COL4A6: variants seen among roughly 807,000 people sequenced by gnomAD.
COL4A6 encodes the protein collagen type IV alpha 6 chain.
A neutral mutation model predicts 126.7 loss-of-function variants in COL4A6; 59 were observed. That is an observed-to-expected ratio of 0.47 (90% CI 0.38 to 0.58). The LOEUF is 0.58. COL4A6 is among the 20% of genes least tolerant of loss of function. COL4A6 has a pLI of 0.00. For missense variants in COL4A6, 1,285 were observed against 1,337.3 expected (o/e 0.96, Z 0.61); for synonymous variants, 547 against 496.6 (o/e 1.10, Z -1.35).
At chrX:108,351,828 A>G (rs776472709) in intron 2 of COL4A6, among the ~76,000 whole-genome samples, 11 of 111,814 alleles carry the variant, frequency 9.8e-5, no homozygotes, top group Non-Finnish European at 1.7e-4. Flanking sequence ...AACATAAATT[A>G]AACACACACT....
intron 3 of COL4A6, among the ~76,000 whole-genome samples, chrX:108,230,223 C>G (rs984588746): frequency 1.8e-5 from 2 of 111,392 alleles, no homozygotes; most frequent in African/African-American, 6.5e-5. Context: ...CCACCATATC[C>G]CCGGAGATGC....
chrX:108,176,849 C>A lies in COL4A6; in HGVS notation c.2678G>T (p.Gly893Val). ...PGVAGLPALS[G>V]PKGEKGSVGF... ...CTGATCACTTCACTTACCCTTGGGT[C>A]CAGAGAGGGCTGGCAACCCAGCGAC... The change falls in exon 28 of 45, where the codon GGA (glycine) becomes GTA (valine). Residue 893 changes from glycine (G) to valine (V), a missense_variant. By Grantham distance (109) the Gly-to-Val change is moderately radical. Transcript: ENST00000334504. 1 of 1,207,180 alleles carries A rather than the reference C, an allele frequency of 8.3e-7. No homozygotes were observed. Among genetic ancestry groups the A allele is most frequent in the Non-Finnish European group, 1.1e-6 (1 of 894,037 alleles).
chrX:108,195,380 T>C (rs2035182223), intron 14 of COL4A6, among the ~76,000 whole-genome samples: 1 of 110,784 alleles, frequency 9.0e-6, no homozygotes, highest in South Asian at 3.9e-4. Context: ...CAAGCGATTC[T>C]CCTGCCTCAG....
chrX:108,204,764 T>C (rs2035495486), intron 11 of COL4A6, among the ~76,000 whole-genome samples: 1 of 111,690 alleles, frequency 9.0e-6, no homozygotes, highest in African/African-American at 3.3e-5. Context: ...GGTCTAATCC[T>C]TGCAAAGAGC....
At chrX:108,384,659 A>G (rs1438066823) in intron 2 of COL4A6, among the ~76,000 whole-genome samples, 3 of 111,707 alleles carry the variant, frequency 2.7e-5, no homozygotes, top group African/African-American at 9.8e-5. Context: ...TGTTTTTGAA[A>G]TATGGAAAGA....
At position 108,170,861 on chromosome X, in the gene COL4A6, C is replaced by T; in HGVS notation, c.3334G>A (p.Glu1112Lys). The T allele has an allele frequency of 2.5e-6, 3 of 1,212,478 alleles. No homozygotes were observed. In the South Asian group the frequency reaches 5.3e-5, roughly 21 times the overall value. ...GNIGFPGNKG[E>K]DGKVGVSGDV... is the part of the protein sequence containing the mutation. ...CCAGAAACACCAACTTTTCCATCTT[C>T]ACCTTTGTTTCCAGGGAAGCCTATA... Residue 1112 changes from glutamate to lysine, a missense_variant, in exon 34 of 45, where the codon GAA becomes AAA. By Grantham distance (56) the Glu-to-Lys change is moderately conservative (BLOSUM62 1). Coordinates refer to ENST00000334504, the MANE Select transcript of COL4A6 (RefSeq NM_033641.4).
At position 108,244,111 on chromosome X, in the gene COL4A6, ATT is replaced by A. The variant is rs34464429; in HGVS notation, c.145-22739_145-22738del. Among the ~76,000 whole-genome samples the A allele has an allele frequency of 1.9e-3, 173 of 89,021 alleles. 1 individual carries two copies. Among genetic ancestry groups the A allele is most frequent in the African/African-American group, 2.7e-3 (68 of 25,085 alleles). The allele number at this position is 89,021 out of a possible 115,157, so 77.3% of individuals were successfully genotyped here. A position where few individuals can be genotyped will look rare whatever the true frequency, so the allele number is the denominator to read the frequency against. On this transcript the variant is annotated intron_variant, in intron 3 of 44. Transcript: ENST00000334504. Reference sequence around the variant, plus strand: ...AATAACCCTTCAGGTATGTTCACCAATTTTTTTTTTTTTTTTTGCTTAATTCA... The same window carrying A: ...AATAACCCTTCAGGTATGTTCACCAATTTTTTTTTTTTTTTGCTTAATTCA...
intron 32 of COL4A6, 67 bp downstream of exon 32, chrX:108,172,402 T>G: frequency 1.8e-6 from 1 of 561,154 alleles, no homozygotes; most frequent in Non-Finnish European, 2.8e-6. Flanking sequence ...AGAGAGACCC[T>G]TGGGCCTGCT....
intron 40 of COL4A6, 140 bp from the exon 41 acceptor site, chrX:108,163,178 A>T (rs1364709972): frequency 2.0e-6 from 1 of 497,316 alleles, no homozygotes; most frequent in Non-Finnish European, 3.3e-6. Flanking sequence ...TATCTCCAGG[A>T]TGGCACTGTG....
intron 2 of COL4A6, among the ~76,000 whole-genome samples, chrX:108,388,864 T>C (rs2040764327): frequency 8.9e-6 from 1 of 111,940 alleles, no homozygotes; most frequent in Admixed American, 9.5e-5. Flanking sequence ...GTGCTATACA[T>C]TTCCCTCTAC....
chrX:108,327,986 C>T (rs1293569980), intron 2 of COL4A6, among the ~76,000 whole-genome samples: 1 of 110,887 alleles, frequency 9.0e-6, no homozygotes, highest in East Asian at 2.8e-4. Flanking sequence ...AACCTACACA[C>T]AAAAAAACCT....
intron 2 of COL4A6, among the ~76,000 whole-genome samples, chrX:108,384,721 A>T (rs920351434): frequency 1.8e-5 from 2 of 112,080 alleles, no homozygotes; most frequent in Non-Finnish European, 3.8e-5. Flanking sequence ...ATATTAGAGA[A>T]TAAAGGAAAC....
intron 3 of COL4A6, among the ~76,000 whole-genome samples, chrX:108,243,770 C>T (rs1346656964): frequency 8.9e-6 from 1 of 111,832 alleles, no homozygotes; most frequent in Non-Finnish European, 1.9e-5. Flanking sequence ...CCATGCATCA[C>T]TCACATACCC....
rs762385746 is a variant in COL4A6 at position 108,169,497 on chromosome X, C to A, written c.3689G>T (p.Arg1230Leu). 5.8e-6 allele frequency: 7 copies of A among 1,211,441 alleles called. No homozygotes were observed. Among genetic ancestry groups the A allele is most frequent in the Non-Finnish European group, 7.8e-6 (7 of 895,329 alleles). Residue 1230 changes from arginine to leucine, a missense_variant and splice_region_variant, in exon 37 of 45, where the codon CGA becomes CTA. By Grantham distance (102) the Arg-to-Leu change is moderately radical (BLOSUM62 -2). Coordinates refer to ENST00000334504, the MANE Select transcript of COL4A6 (RefSeq NM_033641.4). ...TACAAGGCCTGACTTGGACTCACCT[C>A]GATCACCTTTTTGCCCTCTCAGGCC... is the stretch of plus-strand genomic sequence containing the variant. ...KPGLRGQKGD[R>L]GFPGLQGPAG...
In COL4A6 at chrX:108,175,183, G is replaced by A; in HGVS notation, c.2863C>T (p.Pro955Ser). ...DRGNPGPVGIPSPRRPMSNLW... is the reference protein window; with the variant it reads ...DRGNPGPVGISSPRRPMSNLW... ...TTTGACATTGGACGTCTTGGACTAG[G>A]TATTCCGACTGGCCCCGGATTGCCT... Residue 955 changes from proline (P) to serine (S), a missense_variant, in exon 30 of 45, where the codon CCT becomes TCT. Pro to Ser is a moderately conservative substitution (Grantham distance 74). Transcript: ENST00000334504. 1 of 1,198,117 alleles carries A rather than the reference G, an allele frequency of 8.3e-7. No individual in the cohort carries two copies. The highest frequency in any genetic ancestry group is 1.1e-6 in the Non-Finnish European group (1 of 889,208).
intron 14 of COL4A6, among the ~76,000 whole-genome samples, chrX:108,195,981 G>A (rs2035203401): frequency 2.7e-5 from 3 of 111,735 alleles, no homozygotes; most frequent in Admixed American, 1.9e-4. Flanking sequence ...CTAAGTGCCC[G>A]AAGCTAGGAA....
intron 21 of COL4A6, among the ~76,000 whole-genome samples, chrX:108,188,268 T>C (rs915618575): frequency 3.6e-5 from 4 of 112,100 alleles, no homozygotes; most frequent in Non-Finnish European, 7.5e-5. Context: ...GGCCAGCACA[T>C]TGCTAGGCAA....
At chrX:108,193,726 A>G in intron 16 of COL4A6, 29 bp from the exon 17 acceptor site, 1 of 1,119,846 alleles carries the variant, frequency 8.9e-7, no homozygotes, top group South Asian at 1.9e-5. Flanking sequence ...TTAAACACAA[A>G]TATTTCCATT....
intron 3 of COL4A6, among the ~76,000 whole-genome samples, chrX:108,284,551 A>G (rs1716942634): frequency 8.9e-6 from 1 of 112,221 alleles, no homozygotes; most frequent in Non-Finnish European, 1.9e-5. Context: ...AACAAAACAA[A>G]CTACCAAAAA....
Sources: allele counts gnomAD v4.1 joint callset (sites outside exome capture counted in the v4.1 genomes callset), GRCh38; gene constraint gnomAD v4.1.1; transcripts MANE v1.5; gene names NCBI Gene and HGNC (gene_info 2026-07-23, HGNC 2026-07-21).